LAX1: variants seen among roughly 807,000 people sequenced by gnomAD.
LAX1 encodes lymphocyte transmembrane adaptor 1, also known as lymphocyte transmembrane adapter 1.
In LAX1, 17 loss-of-function variants were observed where a neutral mutation model predicts 20.7. The ratio of observed to expected loss-of-function variants is 0.82; its 90% CI spans 0.56 to 1.23. LAX1 has a LOEUF of 1.23. Among genes scored for constraint, LAX1 ranks in the 50% most tolerant of loss-of-function variants. The pLI, the probability that LAX1 is intolerant of heterozygous loss-of-function variation, is 0.00. For synonymous variants in LAX1, 165 were observed against 181.0 expected (o/e 0.91, Z 0.71); for missense variants, 470 against 487.0 (o/e 0.97, Z 0.33).
intron 1 of LAX1, among the ~76,000 whole-genome samples, 197 bp downstream of exon 1, chr1:203,765,851 A>G (rs1370423996): frequency 6.6e-6 from 1 of 152,150 alleles, no homozygotes; most frequent in Non-Finnish European, 1.5e-5. Flanking sequence ...GGAAAGAAAG[A>G]AAATATTGTG....
intron 1 of LAX1, among the ~76,000 whole-genome samples, chr1:203,768,230 G>A (rs1172930149): frequency 1.3e-5 from 2 of 152,136 alleles, no homozygotes; most frequent in Non-Finnish European, 2.9e-5. Flanking sequence ...AGAATCACTT[G>A]GACCCAGGAG....
chr1:203,769,397 A>AAAAGAAAGAAAGAAAGAAAG (rs1200921518), intron 1 of LAX1, among the ~76,000 whole-genome samples: 186 of 76,752 alleles, frequency 2.4e-3, no homozygotes, highest in African/African-American at 9.1e-3. Flanking sequence ...GTCTCAAAAA[A>AAAAGAAAGAAAGAAAGAAAG]AAAGAAAGAA....
chr1:203,771,344 C>T, intron 2 of LAX1, 23 bp from the exon 3 acceptor site: 2 of 1,435,774 alleles, frequency 1.4e-6, no homozygotes, highest in South Asian at 1.1e-5. Flanking sequence ...GCCATGACTC[C>T]CATCTCTCTC....
rs1357566873 is a variant in LAX1, at chr1:203,774,291, C to G, written c.807C>G (p.Val269=). Residue 269 remains valine, a synonymous_variant, in exon 5 of 5, where the codon GTC becomes GTG. Transcript: ENST00000442561. The part of the protein sequence containing the change: ...EGSSQISNDY[V]NMTGLDLSAI... Reference sequence around the variant, plus strand: ...CTTCTCAGATCTCAAATGACTATGTCAACATGACAGGGTTGGATCTCAGTG... The same window carrying G: ...CTTCTCAGATCTCAAATGACTATGTGAACATGACAGGGTTGGATCTCAGTG... The G allele has an allele frequency of 4.3e-6, 7 of 1,614,118 alleles. No homozygotes were observed. Among genetic ancestry groups the G allele is most frequent in the Non-Finnish European group, 5.9e-6 (7 of 1,180,018 alleles).
In LAX1 at chr1:203,770,867, G is replaced by A. The variant is rs770445294; in HGVS notation, c.129G>A (p.Ala43=). The A allele has an allele frequency of 1.7e-5, 28 of 1,614,036 alleles. No homozygotes were observed. The highest frequency in any genetic ancestry group is 5.5e-5 in the South Asian group (5 of 91,088). ...DQITNIFSGF[A]GLLAILLVVA... ...TCACCAACATCTTTTCCGGGTTTGC[G>A]GGACTCCTCGCCATCCTCCTGGTCG... is the stretch of plus-strand genomic sequence containing the variant. Residue 43 remains alanine (A), a synonymous_variant, in exon 2 of 5, where the codon GCG becomes GCA. Coordinates refer to ENST00000442561, the MANE Select transcript of LAX1 (RefSeq NM_017773.4).
intron 1 of LAX1, among the ~76,000 whole-genome samples, chr1:203,766,014 T>C (rs1371277946): frequency 2.0e-5 from 3 of 152,114 alleles, no homozygotes; most frequent in Non-Finnish European, 4.4e-5. Context: ...AGGATGTGTT[T>C]TGAGATCCAA....
rs1571810137 is a variant in LAX1 at position 203,774,815 on chromosome 1, G to C, written c.*134G>C. ...ACTGGTTAGATTAAAAAGAGGCTGAGATGAGCAGTGAACTAAGAGGCCACA... is the reference window on the plus strand; with the variant it reads ...ACTGGTTAGATTAAAAAGAGGCTGACATGAGCAGTGAACTAAGAGGCCACA... On this transcript the variant is annotated 3_prime_UTR_variant, in exon 5 of 5. Coordinates refer to ENST00000442561, the MANE Select transcript of LAX1 (RefSeq NM_017773.4). The C allele has an allele frequency of 5.6e-6, 4 of 713,438 alleles. No homozygotes were observed. In the East Asian group the frequency reaches 1.1e-4, roughly 19 times the overall value. The allele number at this position is 713,438 out of a possible 1,614,324, so 44.2% of individuals were successfully genotyped here.
intron 2 of LAX1, 76 bp from the exon 3 acceptor site, chr1:203,771,290 CA>C (rs1285835380): frequency 4.5e-6 from 4 of 898,450 alleles, no homozygotes; most frequent in Admixed American, 1.7e-5. Flanking sequence ...TTTCAGGGGC[CA>C]TCTCATTCCC....
Position 203,774,148 on chromosome 1 carries a change from ACC to A in LAX1, c.666_667del (p.Gln223GlufsTer6). ...CAGAAATCTCTTTGTTCTTCCCAGT[ACC>A]CAGAAGCTGGAGTTTACTGAGGAAA... is the stretch of plus-strand genomic sequence containing the variant. ...PSRNLFVLPSTQKLEFTEERD... is the reference protein window; with the variant it reads ...PSRNLFVLPSXQKLEFTEERD... On this transcript the variant is annotated frameshift_variant, in exon 5 of 5. Coordinates refer to ENST00000442561, the MANE Select transcript of LAX1 (RefSeq NM_017773.4). LOFTEE classifies it low-confidence loss of function (END_TRUNC). 2 of 1,614,106 alleles carry A rather than the reference ACC, an allele frequency of 1.2e-6. No homozygotes were observed. The highest frequency in any genetic ancestry group is 1.7e-6 in the Non-Finnish European group (2 of 1,180,028).
intron 1 of LAX1, among the ~76,000 whole-genome samples, chr1:203,770,286 C>T (rs1274157223): frequency 6.6e-6 from 1 of 151,144 alleles, no homozygotes; most frequent in Non-Finnish European, 1.5e-5. Context: ...CCTCATGGCA[C>T]GCTCCTGTAA....
At chr1:203,770,491 AAGGAAGGAAGG>A (rs1667394555) in intron 1 of LAX1, among the ~76,000 whole-genome samples, 26 of 80,974 alleles carry the variant, frequency 3.2e-4, no homozygotes, top group African/African-American at 1.1e-3. Context: ...GGAAGGAAGG[AAGGAAGGAAGG>A]AAGGAAGGAA....
Position 203,770,457 on chromosome 1 carries a change from GGAAGGA to G in LAX1, c.90-370_90-365del, listed in dbSNP as rs1451318095. On this transcript the variant is annotated intron_variant, in intron 1 of 4. Transcript: ENST00000442561. ...AAAGAGAGAGAGAGAGAGAGAGAAA[GGAAGGA>G]AGGAAGGAAGGAAGGAAGGAAGGAA... Among the ~76,000 whole-genome samples the G allele has an allele frequency of 2.0e-3, 59 of 28,858 alleles. 2 individuals are homozygous for G. Among genetic ancestry groups the G allele is most frequent in the Admixed American group, 4.6e-3 (7 of 1,522 alleles). The allele number at this position is 28,858 out of a possible 152,430, so 18.9% of individuals were successfully genotyped here.
Position 203,774,689 on chromosome 1 carries a change from G to C in LAX1, c.*8G>C. ...CTCCTTCCTGATGAATGAAGACCCA[G>C]GTACCCAGCCATAAAGCCACATTGA... On this transcript the variant is annotated 3_prime_UTR_variant, in exon 5 of 5. Coordinates refer to ENST00000442561, the MANE Select transcript of LAX1 (RefSeq NM_017773.4). The C allele has an allele frequency of 6.2e-7, 1 of 1,610,616 alleles. No homozygotes were observed. Among genetic ancestry groups the C allele is most frequent in the Non-Finnish European group, 8.5e-7 (1 of 1,178,434 alleles).
chr1:203,769,542 G>C (rs2102265169), intron 1 of LAX1: 1 of 152,202 alleles, frequency 6.6e-6, no homozygotes, highest in South Asian at 2.1e-4. Flanking sequence ...TCTAATAATT[G>C]GGGGTAGCAC....
At chr1:203,767,359 G>A (rs1424226686) in intron 1 of LAX1, among the ~76,000 whole-genome samples, 1 of 131,312 alleles carries the variant, frequency 7.6e-6, no homozygotes, top group East Asian at 3.2e-4. Context: ...CCAGGCTGGA[G>A]TGCAAGGTTG....
At chr1:203,773,610 A>C (rs1171749959) in intron 4 of LAX1, among the ~76,000 whole-genome samples, 1 of 151,236 alleles carries the variant, frequency 6.6e-6, no homozygotes, top group East Asian at 2.0e-4. Context: ...TCTAAGCCTC[A>C]CCTTTAGCCA....
rs371802378 is a variant in LAX1, at chr1:203,770,897, G to A, written c.159G>A (p.Ala53=). Residue 53 remains alanine (A), a synonymous_variant, in exon 2 of 5, where the codon GCG becomes GCA. Coordinates refer to ENST00000442561, the MANE Select transcript of LAX1 (RefSeq NM_017773.4). ...AGLLAILLVV[A]VFCILWNWNK... ...TCCTCGCCATCCTCCTGGTCGTTGC[G>A]GTTTTCTGCATCTTGTGGAATTGGA... is the stretch of plus-strand genomic sequence containing the variant. 1.9e-5 allele frequency: 31 copies of A among 1,614,154 alleles called. No individual in the cohort carries two copies. Among genetic ancestry groups the A allele is most frequent in the Middle Eastern group, 1.6e-4 (1 of 6,062 alleles).
In LAX1 at chr1:203,775,412, AAAG is replaced by A. The variant is rs1667495661; in HGVS notation, c.*735_*737del. ...CCTCTCAAAAAAAAAAACAAACAAAAAAGAAGTGTGGGCAACCAAATGTAGGTA... is the reference window on the plus strand; with the variant it reads ...CCTCTCAAAAAAAAAAACAAACAAAAAAGTGTGGGCAACCAAATGTAGGTA... On this transcript the variant is annotated 3_prime_UTR_variant, in exon 5 of 5. Coordinates refer to ENST00000442561, the MANE Select transcript of LAX1 (RefSeq NM_017773.4). 1 of 152,156 alleles carries A rather than the reference AAAG, an allele frequency of 6.6e-6. No homozygotes were observed. The highest frequency in any genetic ancestry group is 6.6e-5 in the Admixed American group (1 of 15,258). 9.4% of individuals were successfully genotyped at this position (152,156 alleles called of 1,614,324 possible).
rs145287252 is a variant in LAX1, at chr1:203,770,877, G to A, written c.139G>A (p.Ala47Thr). ...CTTTTCCGGGTTTGCGGGACTCCTC[G>A]CCATCCTCCTGGTCGTTGCGGTTTT... ...NIFSGFAGLLAILLVVAVFCI... is the reference protein window; with the variant it reads ...NIFSGFAGLLTILLVVAVFCI... The change falls in exon 2 of 5, where the codon GCC becomes ACC. Residue 47 changes from alanine to threonine, a missense_variant. Ala to Thr is a moderately conservative substitution (Grantham distance 58). Coordinates refer to ENST00000442561, the MANE Select transcript of LAX1 (RefSeq NM_017773.4). 357 of 1,614,152 alleles carry A rather than the reference G, an allele frequency of 2.2e-4. No individual in the cohort carries two copies. Among genetic ancestry groups the A allele is most frequent in the Non-Finnish European group, 2.9e-4 (347 of 1,180,032 alleles).
Sources: gnomAD v4.1 joint callset for allele counts (sites outside exome capture counted in the v4.1 genomes callset) on GRCh38, gnomAD v4.1.1 for gene constraint, MANE v1.5 for transcripts, NCBI Gene and HGNC (gene_info 2026-07-23, HGNC 2026-07-21) for gene names.